The following ADGRL2 variants were observed in gnomAD, a reference collection of about 807,000 sequenced individuals.
ADGRL2 encodes adhesion G protein-coupled receptor L2.
A neutral mutation model predicts 157.4 loss-of-function variants in ADGRL2; 44 were observed. The observed-to-expected ratio is 0.28, with a 90% CI of 0.22 to 0.36. The LOEUF (loss-of-function observed/expected upper bound fraction) is 0.36, where lower values mean the gene tolerates loss of function less well. Among genes scored for constraint, ADGRL2 ranks in the 10% least tolerant of loss-of-function variants. The pLI is 1.00. For missense variants in ADGRL2, 1,510 were observed against 1,768.9 expected (o/e 0.85, Z 2.63); for synonymous variants, 585 against 624.7 (o/e 0.94, Z 0.95).
At chr1:81,690,471 G>A (rs2083310309) in intron 3 of ADGRL2, among the ~76,000 whole-genome samples, 1 of 152,162 alleles carries the variant, frequency 6.6e-6, no homozygotes, top group Non-Finnish European at 1.5e-5. Context: ...ACTCCAGCCT[G>A]GGTGACAGAA....
rs577409996 is a variant in ADGRL2, at chr1:81,755,616, C to T, written c.-142-6195C>T. Reference sequence around the variant, plus strand: ...TGCTTTTGAATTGACCATGTCCACACAAACTAATCAATCAACAGATAATTG... The same window carrying T: ...TGCTTTTGAATTGACCATGTCCACATAAACTAATCAATCAACAGATAATTG... On this transcript the variant is annotated intron_variant, in intron 1 of 20. Transcript: ENST00000359929. Among the ~76,000 whole-genome samples the T allele has an allele frequency of 2.0e-4, 30 of 152,122 alleles. 1 individual carries two copies. The highest frequency in any genetic ancestry group is 3.5e-4 in the Non-Finnish European group (24 of 68,022).
intron 2 of ADGRL2, among the ~76,000 whole-genome samples, chr1:81,857,188 A>G (rs1485872826): frequency 6.6e-6 from 1 of 152,190 alleles, no homozygotes; most frequent in Non-Finnish European, 1.5e-5. Flanking sequence ...TGAATAATGA[A>G]GTGATGAGAT....
intron 1 of ADGRL2, among the ~76,000 whole-genome samples, chr1:81,726,539 G>A (rs1421989034): frequency 1.3e-5 from 2 of 152,164 alleles, no homozygotes; most frequent in Non-Finnish European, 2.9e-5. Context: ...CAGCACTAGA[G>A]TTGAGAGTGC....
intron 1 of ADGRL2, among the ~76,000 whole-genome samples, chr1:81,328,660 A>G (rs1366686888): frequency 6.6e-6 from 1 of 152,134 alleles, no homozygotes; most frequent in Non-Finnish European, 1.5e-5. Context: ...CACTCAGATA[A>G]AGAAGACTGT....
At chr1:81,545,373 G>T (rs748538103) in intron 2 of ADGRL2, among the ~76,000 whole-genome samples, 1 of 150,530 alleles carries the variant, frequency 6.6e-6, no homozygotes, top group East Asian at 2.0e-4. Flanking sequence ...TGCAACCTCC[G>T]CCTCCCAGGT....
chr1:81,983,917 G>T (rs1662347148), intron 19 of ADGRL2, among the ~76,000 whole-genome samples: 1 of 152,014 alleles, frequency 6.6e-6, no homozygotes, highest in Admixed American at 6.6e-5. Flanking sequence ...TGCATAAATA[G>T]TTCCCTTGTG....
chr1:81,792,853 GTTA>G (rs1457553763), intron 2 of ADGRL2, among the ~76,000 whole-genome samples: 1 of 151,988 alleles, frequency 6.6e-6, no homozygotes, highest in Non-Finnish European at 1.5e-5. Flanking sequence ...TGCTGTAAAT[GTTA>G]TTATTTGTGT....
chr1:81,445,896 C>A (rs1557694775), intron 2 of ADGRL2, among the ~76,000 whole-genome samples: 1 of 152,156 alleles, frequency 6.6e-6, no homozygotes, highest in Non-Finnish European at 1.5e-5. Flanking sequence ...TATTGCCTGG[C>A]ACCTAGTAAG....
At chr1:81,488,141 T>C (rs1281858554) in intron 2 of ADGRL2, among the ~76,000 whole-genome samples, 1 of 152,136 alleles carries the variant, frequency 6.6e-6, no homozygotes, top group Non-Finnish European at 1.5e-5. Flanking sequence ...TTTTCCTCTT[T>C]TGAGGAAATT....
At chr1:81,581,983 G>A (rs1173226027) in intron 3 of ADGRL2, among the ~76,000 whole-genome samples, 1 of 151,982 alleles carries the variant, frequency 6.6e-6, no homozygotes, top group Non-Finnish European at 1.5e-5. Flanking sequence ...AACTTTGGGA[G>A]GCCAAGGTGG....
chr1:81,361,411 T>C (rs1158644252), intron 1 of ADGRL2, among the ~76,000 whole-genome samples: 2 of 151,966 alleles, frequency 1.3e-5, no homozygotes, highest in Admixed American at 1.3e-4. Context: ...GCTTTGTTTT[T>C]AGCACTTTAA....
At position 81,979,979 on chromosome 1, in the gene ADGRL2, A is replaced by G; in HGVS notation, c.3113+19A>G. 1 of 1,366,284 alleles carries G rather than the reference A, an allele frequency of 7.3e-7. No homozygotes were observed. The highest frequency in any genetic ancestry group is 1.0e-6 in the Non-Finnish European group (1 of 957,616). 84.6% of individuals were successfully genotyped at this position (1,366,284 alleles called of 1,614,324 possible). ...ACATTAAGTAAGTATTTTGTATTTT[A>G]ATTTTAATACTTGACAAACTAAGTA... On this transcript the variant is annotated intron_variant, in intron 18 of 23. Coordinates refer to ENST00000686636, the MANE Select transcript of ADGRL2 (RefSeq NM_001366006.2).
chr1:81,678,401 G>T (rs2083039814), intron 3 of ADGRL2, among the ~76,000 whole-genome samples: 1 of 152,160 alleles, frequency 6.6e-6, no homozygotes, highest in Non-Finnish European at 1.5e-5. Context: ...AAAAGAAACA[G>T]AATTTGGATA....
intron 2 of ADGRL2, among the ~76,000 whole-genome samples, chr1:81,782,391 G>A (rs1196848093): frequency 1.3e-5 from 2 of 152,142 alleles, no homozygotes; most frequent in Non-Finnish European, 2.9e-5. Flanking sequence ...TAATGAGGGG[G>A]TAATTTCTAA....
chr1:81,925,155 C>T (rs2148667004), intron 3 of ADGRL2, among the ~76,000 whole-genome samples: 1 of 152,178 alleles, frequency 6.6e-6, no homozygotes, highest in East Asian at 1.9e-4. Flanking sequence ...GAAAAAGATT[C>T]ATGGCTTTCT....
intron 2 of ADGRL2, among the ~76,000 whole-genome samples, chr1:81,494,854 T>C (rs1466119001): frequency 6.6e-6 from 1 of 152,162 alleles, no homozygotes; most frequent in Non-Finnish European, 1.5e-5. Context: ...ACATCCCAAA[T>C]AATGAAGCTG....
At position 81,737,711 on chromosome 1, in the gene ADGRL2, T is replaced by A. The variant is rs541475632; in HGVS notation, c.-142-24100T>A. ...TCTATCACCTCAAGAGCCTACAGAATTGTCAGTATCATCTGAATGTGCAAA... is the reference window on the plus strand; with the variant it reads ...TCTATCACCTCAAGAGCCTACAGAAATGTCAGTATCATCTGAATGTGCAAA... On this transcript the variant is annotated intron_variant, in intron 1 of 20. Coordinates refer to the ADGRL2 transcript ENST00000359929. Among the ~76,000 whole-genome samples, 9 of 152,332 alleles carry A rather than the reference T, an allele frequency of 5.9e-5. No homozygotes were observed. In the South Asian group the frequency reaches 1.5e-3, roughly 25 times the overall value.
chr1:81,401,593 G>A (rs1195290619), intron 1 of ADGRL2, among the ~76,000 whole-genome samples: 1 of 152,144 alleles, frequency 6.6e-6, no homozygotes, highest in African/African-American at 2.4e-5. Flanking sequence ...TCTTTGTTGT[G>A]GAGATGAGTG....
chr1:81,368,789 C>T (rs1451118986), intron 1 of ADGRL2, among the ~76,000 whole-genome samples: 2 of 152,136 alleles, frequency 1.3e-5, no homozygotes, highest in African/African-American at 4.8e-5. Context: ...ACTTCCCCAT[C>T]ACACCATTGT....
Sources: allele counts gnomAD v4.1 joint callset (sites outside exome capture counted in the v4.1 genomes callset), GRCh38; gene constraint gnomAD v4.1.1; transcripts MANE v1.5; gene names NCBI Gene and HGNC (gene_info 2026-07-23, HGNC 2026-07-21).